Variants in ZDHHC13 observed in about 807,000 individuals in gnomAD.
The protein encoded by ZDHHC13 is zDHHC palmitoyltransferase 13.
Under a neutral mutation model 86.0 loss-of-function variants are expected in ZDHHC13, and 85 were observed. That is an observed-to-expected ratio of 0.99 (90% CI 0.83 to 1.18). ZDHHC13 has a LOEUF of 1.18. Among genes scored for constraint, ZDHHC13 ranks in the 50% most tolerant of loss-of-function variants. The pLI is 0.00. For missense variants in ZDHHC13, 711 were observed against 730.2 expected (o/e 0.97, Z 0.30); for synonymous variants, 263 against 246.4 (o/e 1.07, Z -0.63).
Position 19,175,893 on chromosome 11 carries a change from T to A in ZDHHC13, c.1802T>A (p.Val601Glu). Residue 601 changes from valine to glutamate, a missense_variant, in exon 17 of 17, where the codon GTA becomes GAA. By Grantham distance (121) the Val-to-Glu change is moderately radical (BLOSUM62 -2). Transcript: ENST00000446113. ...GCFGLVKPCVVDWTSQYTMVF... is the reference protein window; with the variant it reads ...GCFGLVKPCVEDWTSQYTMVF... ...TTTGGCTTGGTGAAGCCCTGTGTGG[T>A]AGATTGGACATCACAGTACACCATG... 6.2e-7 allele frequency: 1 copy of A among 1,613,690 alleles called. No homozygotes were observed. The highest frequency in any genetic ancestry group is 8.5e-7 in the Non-Finnish European group (1 of 1,179,784).
At chr11:19,150,329 C>CT (rs1168472371) in intron 5 of ZDHHC13, among the ~76,000 whole-genome samples, 1 of 152,008 alleles carries the variant, frequency 6.6e-6, no homozygotes, top group Non-Finnish European at 1.5e-5. Context: ...TCACTATTTA[C>CT]TGGAAGTGTT....
At chr11:19,144,793 G>A (rs890519764) in intron 2 of ZDHHC13, among the ~76,000 whole-genome samples, 1 of 152,166 alleles carries the variant, frequency 6.6e-6, no homozygotes, top group Admixed American at 6.5e-5. Context: ...TAAAGAAAGT[G>A]CTAAAGGGTC....
chr11:19,166,979 A>T (rs1850089348), intron 14 of ZDHHC13: 1 of 152,304 alleles, frequency 6.6e-6, no homozygotes, highest in Non-Finnish European at 1.5e-5. Context: ...AGGGAATGAC[A>T]GCCAGCTGTT....
At chr11:19,148,973 CA>C (rs896375180) in intron 4 of ZDHHC13, among the ~76,000 whole-genome samples, 1 of 149,718 alleles carries the variant, frequency 6.7e-6, no homozygotes, top group Admixed American at 6.7e-5. Context: ...AAACAAAAAA[CA>C]AAAAAAAACG....
At chr11:19,151,575 A>G (rs1849609040) in intron 6 of ZDHHC13, among the ~76,000 whole-genome samples, 1 of 152,094 alleles carries the variant, frequency 6.6e-6, no homozygotes, top group South Asian at 2.1e-4. Flanking sequence ...AGATATTGAT[A>G]GAATAAATAA....
intron 11 of ZDHHC13, 84 bp from the exon 12 acceptor site, chr11:19,164,217 C>A: frequency 1.4e-6 from 2 of 1,383,452 alleles, no homozygotes; most frequent in Non-Finnish European, 1.0e-6. Context: ...CAGTTTGGAG[C>A]GAGAACTGTG....
At chr11:19,137,057 C>T (rs1267683711) in intron 1 of ZDHHC13, among the ~76,000 whole-genome samples, 5 of 151,854 alleles carry the variant, frequency 3.3e-5, no homozygotes, top group African/African-American at 9.7e-5. Context: ...ATCAAATTCA[C>T]ACATAACAGT....
chr11:19,141,570 T>G (rs1282251821), intron 1 of ZDHHC13, among the ~76,000 whole-genome samples: 5 of 152,116 alleles, frequency 3.3e-5, no homozygotes, highest in African/African-American at 1.2e-4. Context: ...TCTACCCATC[T>G]GCCCTAGAAG....
At chr11:19,156,719 T>TA (rs1849765686) in intron 9 of ZDHHC13, among the ~76,000 whole-genome samples, 1 of 152,246 alleles carries the variant, frequency 6.6e-6, no homozygotes, top group East Asian at 1.9e-4. Flanking sequence ...TCCAACCCAT[T>TA]ACCAAGTGTT....
chr11:19,146,531 CAT>C (rs1258753597), intron 3 of ZDHHC13, among the ~76,000 whole-genome samples: 5 of 151,992 alleles, frequency 3.3e-5, no homozygotes, highest in Admixed American at 1.3e-4. Flanking sequence ...GGGGGCCAAT[CAT>C]AAAGTTTAGA....
At chr11:19,161,635 G>A (rs554272989) in intron 10 of ZDHHC13, among the ~76,000 whole-genome samples, 1 of 150,306 alleles carries the variant, frequency 6.7e-6, no homozygotes, top group Non-Finnish European at 1.5e-5. Context: ...TGAGTTTGAA[G>A]GTAAAATTCA....
chr11:19,139,362 G>A (rs1849241819), intron 1 of ZDHHC13, among the ~76,000 whole-genome samples: 1 of 151,816 alleles, frequency 6.6e-6, no homozygotes, highest in East Asian at 1.9e-4. Context: ...TACAAGGGAT[G>A]TGAAGGACCT....
At position 19,172,840 on chromosome 11, in the gene ZDHHC13, G is replaced by A. The variant is rs568144052; in HGVS notation, c.1730+20G>A. On this transcript the variant is annotated intron_variant, in intron 16 of 16. Coordinates refer to ENST00000446113, the MANE Select transcript of ZDHHC13 (RefSeq NM_019028.3). ...ATACAAGTAAGCGAGACCTGTTTTGGATGCTGAGTCCTGTGGAAGATCCCT... is the reference window on the plus strand; with the variant it reads ...ATACAAGTAAGCGAGACCTGTTTTGAATGCTGAGTCCTGTGGAAGATCCCT... The A allele has an allele frequency of 4.6e-4, 725 of 1,573,612 alleles. 6 individuals are homozygous for A. The South Asian group carries it at 8.0e-3, about 17-fold the overall frequency.
chr11:19,149,620 C>T (rs1276099343), intron 5 of ZDHHC13, among the ~76,000 whole-genome samples: 1 of 152,148 alleles, frequency 6.6e-6, no homozygotes, highest in African/African-American at 2.4e-5. Flanking sequence ...AAAAACATGA[C>T]TTCAAAGCCT....
At chr11:19,138,623 T>A (rs2133389645) in intron 1 of ZDHHC13, among the ~76,000 whole-genome samples, 1 of 151,280 alleles carries the variant, frequency 6.6e-6, no homozygotes, top group Admixed American at 6.6e-5. Flanking sequence ...AAGAGAATTT[T>A]AGACCAATAT....
At chr11:19,173,174 C>T (rs931535990) in intron 16 of ZDHHC13, among the ~76,000 whole-genome samples, 2 of 152,160 alleles carry the variant, frequency 1.3e-5, no homozygotes, top group Admixed American at 1.3e-4. Flanking sequence ...GAGCCAGCCA[C>T]AGGGTGCTCT....
chr11:19,170,400 T>TG lies in ZDHHC13; in HGVS notation c.1475-10dup. ...CTTTTTTTTTTTTTTTTTTTTTTGGTGAATTCACAGATTTGTCCAGTCATT... is the reference window on the plus strand; with the variant it reads ...CTTTTTTTTTTTTTTTTTTTTTTGGTGGAATTCACAGATTTGTCCAGTCATT... On this transcript the variant is annotated splice_polypyrimidine_tract_variant and intron_variant, in intron 14 of 16. Coordinates refer to ENST00000446113, the MANE Select transcript of ZDHHC13 (RefSeq NM_019028.3). 1 of 1,423,286 alleles carries TG rather than the reference T, an allele frequency of 7.0e-7. No individual in the cohort carries two copies. The highest frequency in any genetic ancestry group is 9.2e-7 in the Non-Finnish European group (1 of 1,085,696). 88.2% of individuals were successfully genotyped at this position (1,423,286 alleles called of 1,614,324 possible).
intron 2 of ZDHHC13, 137 bp from the exon 3 acceptor site, chr11:19,146,044 T>A (rs1488819348): frequency 1.1e-6 from 1 of 905,912 alleles, no homozygotes. Context: ...TCTCTATGCA[T>A]GTCTTTGTTA....
At chr11:19,124,299 TGTGG>T (rs1848823392) in intron 1 of ZDHHC13, among the ~76,000 whole-genome samples, 1 of 152,058 alleles carries the variant, frequency 6.6e-6, no homozygotes, top group South Asian at 2.1e-4. Flanking sequence ...TGATTAAAAA[TGTGG>T]ATGTATGTAT....
Sources: allele counts gnomAD v4.1 joint callset (sites outside exome capture counted in the v4.1 genomes callset), GRCh38; gene constraint gnomAD v4.1.1; transcripts MANE v1.5; gene names NCBI Gene and HGNC (gene_info 2026-07-23, HGNC 2026-07-21).